Variants in NEMP2 observed in about 807,000 individuals in gnomAD.
The protein encoded by NEMP2 is nuclear envelope integral membrane protein 2, also known as UPF0571 transmembrane protein.
In NEMP2, 53 loss-of-function variants were observed where a neutral mutation model predicts 54.2. The ratio of observed to expected loss-of-function variants is 0.98; its 90% confidence interval spans 0.78 to 1.23. The LOEUF (loss-of-function observed/expected upper bound fraction) is 1.23. Ranked by LOEUF, NEMP2 falls within the 50% of genes most tolerant of loss-of-function variation. The probability of loss-of-function intolerance (pLI) is 0.00; values close to 1 mark genes in which losing one functional copy is unlikely to be tolerated. For missense variants in NEMP2, 455 were observed against 511.3 expected (o/e 0.89, Z 1.06); for synonymous variants, 197 against 190.3 (o/e 1.04, Z -0.29).
In NEMP2 at chr2:190,510,311, T is replaced by G; in HGVS notation, c.1130+50A>C. 1 of 1,540,240 alleles carries G rather than the reference T, an allele frequency of 6.5e-7. No individual in the cohort carries two copies. ...CTGTACCAAACCATCATATTATTTT[T>G]TAAATCATTCTGAACTAAACTATGG... On this transcript the variant is annotated intron_variant, in intron 8 of 8. Transcript: ENST00000409150. This position sits in a 1 kb window ranked among gnomAD's most constrained non-coding sequence, Gnocchi z 5.7.
At chr2:190,589,914 G>A in the NEMP2 span, among the ~76,000 whole-genome samples, 1 of 152,154 alleles carries the variant, frequency 6.6e-6, no homozygotes, top group African/African-American at 2.4e-5. This position sits in a 1 kb window ranked among gnomAD's most constrained non-coding sequence, Gnocchi z 4.3. Flanking sequence ...GGCTGCTGAA[G>A]GAATTGTCTG....
rs1691112051 is a variant in NEMP2 at position 190,530,649 on chromosome 2, C to A, written c.97+3910G>T. Among the ~76,000 whole-genome samples the A allele has an allele frequency of 6.6e-6, 1 of 152,148 alleles. No individual in the cohort carries two copies. Among genetic ancestry groups the A allele is most frequent in the South Asian group, 2.1e-4 (1 of 4,822 alleles). ...TCCCTTTAGCAATCTTCTTCTAGAG[C>A]CATTTCACTGCTCGGTTTCAATCAT... On this transcript the variant is annotated intron_variant, in intron 1 of 8. Transcript: ENST00000409150. This position sits in a 1 kb window ranked among gnomAD's most constrained non-coding sequence, Gnocchi z 4.6.
In NEMP2 at chr2:190,514,998, G is replaced by A. The variant is rs370406126; in HGVS notation, c.728-320C>T. 8.5e-5 allele frequency among the ~76,000 whole-genome samples: 13 copies of A among 152,294 alleles called. 2 individuals are homozygous for A. Among genetic ancestry groups the A allele is most frequent in the African/African-American group, 2.9e-4 (12 of 41,562 alleles). On this transcript the variant is annotated intron_variant, in intron 6 of 8. Transcript: ENST00000409150. This position sits in a 1 kb window ranked among gnomAD's most constrained non-coding sequence, Gnocchi z 5.7. ...GGTCAGGAAGAAGTCACAGTTGTAT[G>A]TCACCATTGGCTACAAACCCTATTT... is the stretch of plus-strand genomic sequence containing the variant.
At chr2:190,631,696 T>C in the NEMP2 span, among the ~76,000 whole-genome samples, 2 of 152,210 alleles carry the variant, frequency 1.3e-5, no homozygotes, top group Non-Finnish European at 2.9e-5. Flanking sequence ...TTTTTGTAAT[T>C]AATTTCTCAA....
chr2:190,424,108 G>A, the NEMP2 span, among the ~76,000 whole-genome samples: 2 of 152,040 alleles, frequency 1.3e-5, no homozygotes, highest in Non-Finnish European at 2.9e-5. The surrounding 1 kb of genome is among the most constrained non-coding windows in gnomAD (Gnocchi z 5.9). Context: ...TCTTTGCAGA[G>A]TCTTTTAAAG....
At chr2:190,428,298 C>A in the NEMP2 span, among the ~76,000 whole-genome samples, 10 of 152,302 alleles carry the variant, frequency 6.6e-5, no homozygotes, top group South Asian at 1.7e-3. Context: ...CTGCAGTGAA[C>A]ATGTTTATAG....
the NEMP2 span, among the ~76,000 whole-genome samples, chr2:190,484,217 A>G: frequency 6.6e-6 from 1 of 152,216 alleles, no homozygotes; most frequent in East Asian, 1.9e-4. Context: ...TACTGTTGTC[A>G]GTCAGGGAGT....
chr2:190,584,550 G>A, the NEMP2 span, among the ~76,000 whole-genome samples: 2 of 152,088 alleles, frequency 1.3e-5, no homozygotes, highest in South Asian at 2.1e-4. The surrounding 1 kb of genome is among the most constrained non-coding windows in gnomAD (Gnocchi z 4.2). Flanking sequence ...TGCCACTGCT[G>A]AGAAAGACTT....
At chr2:190,537,813 C>G (rs1691425256), upstream of NEMP2, among the ~76,000 whole-genome samples, 1 of 152,162 alleles carries the variant, frequency 6.6e-6, no homozygotes, top group Non-Finnish European at 1.5e-5. Context: ...ATCAACAAAA[C>G]TATGGGGAAA....
At chr2:190,468,157 A>G in the NEMP2 span, among the ~76,000 whole-genome samples, 7 of 152,190 alleles carry the variant, frequency 4.6e-5, no homozygotes, top group Non-Finnish European at 7.3e-5. Flanking sequence ...AGTTTGTTCA[A>G]TAAAAGTTTC....
the NEMP2 span, chr2:190,488,922 G>T: frequency 8.9e-7 from 1 of 1,121,914 alleles, no homozygotes; most frequent in Non-Finnish European, 1.2e-6. This position sits in a 1 kb window ranked among gnomAD's most constrained non-coding sequence, Gnocchi z 6.4. Flanking sequence ...ATTGCCCAAA[G>T]CTAAATTCCA....
At chr2:190,445,566 T>C in the NEMP2 span, among the ~76,000 whole-genome samples, 1 of 151,672 alleles carries the variant, frequency 6.6e-6, no homozygotes, top group East Asian at 1.9e-4. Context: ...ACATACAGAA[T>C]GACTTGAGTG....
chr2:190,470,222 T>C, the NEMP2 span, among the ~76,000 whole-genome samples: 12 of 152,246 alleles, frequency 7.9e-5, no homozygotes, highest in Non-Finnish European at 1.0e-4. Context: ...AGGTTAACTA[T>C]AGTTACTGAA....
chr2:190,489,934 A>T, the NEMP2 span: 2 of 928,450 alleles, frequency 2.2e-6, no homozygotes, highest in Non-Finnish European at 3.2e-6. This position sits in a 1 kb window ranked among gnomAD's most constrained non-coding sequence, Gnocchi z 6.6. Flanking sequence ...AAATGCCCCG[A>T]GAAGCCTAGA....
the NEMP2 span, among the ~76,000 whole-genome samples, chr2:190,574,157 A>G: frequency 6.6e-6 from 1 of 152,352 alleles, no homozygotes. Context: ...TTTGTTTATG[A>G]AATTCACACT....
the NEMP2 span, among the ~76,000 whole-genome samples, chr2:190,638,393 G>A: frequency 6.6e-6 from 1 of 152,012 alleles, no homozygotes; most frequent in African/African-American, 2.4e-5. This position sits in a 1 kb window ranked among gnomAD's most constrained non-coding sequence, Gnocchi z 5.7. Flanking sequence ...AGTGGAAGGC[G>A]ACAATAAGCC....
At chr2:190,446,896 G>GT in the NEMP2 span, among the ~76,000 whole-genome samples, 1 of 152,176 alleles carries the variant, frequency 6.6e-6, no homozygotes, top group African/African-American at 2.4e-5. Flanking sequence ...AATTTCAGGG[G>GT]TGAGGGACTT....
the NEMP2 span, among the ~76,000 whole-genome samples, chr2:190,450,507 T>TTTTTTTTTG: frequency 6.8e-6 from 1 of 146,572 alleles, no homozygotes. Context: ...TTTTTTTTTT[T>TTTTTTTTTG]TTGAGACAGG....
the NEMP2 span, among the ~76,000 whole-genome samples, chr2:190,496,646 G>A: frequency 3.3e-5 from 5 of 151,286 alleles, no homozygotes; most frequent in East Asian, 5.8e-4. The surrounding 1 kb of genome is among the most constrained non-coding windows in gnomAD (Gnocchi z 4.7). Flanking sequence ...GTATATATAT[G>A]TATATGTGTA....
Sources: gnomAD v4.1 joint callset for allele counts (sites outside exome capture counted in the v4.1 genomes callset) on GRCh38, gnomAD v4.1.1 for gene constraint, Gnocchi (gnomAD v3.1) non-coding constraint, MANE v1.5 for transcripts, NCBI Gene and HGNC (gene_info 2026-07-23, HGNC 2026-07-21) for gene names.